The following BBS9 variants were observed in gnomAD, a reference collection of about 807,000 sequenced individuals.
BBS9 encodes protein PTHB1.
Under a neutral mutation model 117.7 loss-of-function variants are expected in BBS9, and 89 were observed. The observed-to-expected ratio is 0.76, with a 90% confidence interval of 0.64 to 0.90. The LOEUF (loss-of-function observed/expected upper bound fraction) is 0.90. Ranked by LOEUF, BBS9 falls within the 40% of genes least tolerant of loss-of-function variation. The pLI is 0.00. For synonymous variants in BBS9, 379 were observed against 370.9 expected, an observed-to-expected ratio of 1.02 and a Z score of -0.25; for missense variants, 982 against 1,042.2, an observed-to-expected ratio of 0.94 and a Z score of 0.80.
chr7:33,529,317 CCT>C (rs977280042), intron 20 of BBS9, among the ~76,000 whole-genome samples: 40 of 152,140 alleles, frequency 2.6e-4, no homozygotes, highest in Middle Eastern at 3.2e-3. Context: ...GGCCTCGGCC[CCT>C]GAGTCCGGTT....
chr7:33,166,487 G>A (rs1024682964), intron 4 of BBS9, among the ~76,000 whole-genome samples: 4 of 152,258 alleles, frequency 2.6e-5, no homozygotes, highest in Non-Finnish European at 5.9e-5. Context: ...GAGGCAGATG[G>A]CCTTGCTAAG....
At chr7:33,612,530 A>C (rs1864933553) in intron 21 of BBS9, among the ~76,000 whole-genome samples, 1 of 151,730 alleles carries the variant, frequency 6.6e-6, no homozygotes. Flanking sequence ...GCTGCCCTCC[A>C]ATGTCATCAC....
At chr7:33,160,636 C>T (rs546304280) in intron 4 of BBS9, among the ~76,000 whole-genome samples, 3 of 152,212 alleles carry the variant, frequency 2.0e-5, no homozygotes, top group South Asian at 2.1e-4. Flanking sequence ...GAGAAACTTT[C>T]CTGTTTAGCT....
rs563022493 is a variant in BBS9, at chr7:33,376,283, A to AT, written c.1790-7374dup. On this transcript the variant is annotated intron_variant, in intron 17 of 22. Coordinates refer to ENST00000242067, the MANE Select transcript of BBS9 (RefSeq NM_198428.3). ...CTACTTATAAGTGAGAATATGCAGT[A>AT]TTTTTTTTTGTTGTTGTTATTGTTC... 4.6e-4 allele frequency among the ~76,000 whole-genome samples: 70 copies of AT among 151,156 alleles called. 1 individual carries two copies. Among genetic ancestry groups the AT allele is most frequent in the South Asian group, 1.9e-3 (9 of 4,766 alleles).
intron 5 of BBS9, among the ~76,000 whole-genome samples, chr7:33,203,877 C>T (rs1472825637): frequency 6.6e-6 from 1 of 151,530 alleles, no homozygotes; most frequent in Non-Finnish European, 1.5e-5. Context: ...CGTGTGACAC[C>T]ACGCCCGTCT....
chr7:33,323,948 C>T (rs952533659), intron 9 of BBS9, among the ~76,000 whole-genome samples: 4 of 151,266 alleles, frequency 2.6e-5, no homozygotes, highest in African/African-American at 9.7e-5. Flanking sequence ...AGCAATTCTC[C>T]TGCGTCAGCC....
At chr7:33,437,157 T>C (rs770643572) in intron 19 of BBS9, among the ~76,000 whole-genome samples, 3 of 152,216 alleles carry the variant, frequency 2.0e-5, no homozygotes, top group Non-Finnish European at 4.4e-5. Flanking sequence ...ATTTAATCCT[T>C]GTCTAGAAGG....
At chr7:33,209,756 T>C (rs141328545) in intron 5 of BBS9, among the ~76,000 whole-genome samples, 165 of 152,290 alleles carry the variant, frequency 1.1e-3, no homozygotes, top group Middle Eastern at 3.4e-3. Context: ...TTTTCCTCTC[T>C]GATTTTATTT....
At chr7:33,528,361 TTCTC>T (rs1457248819) in intron 20 of BBS9, among the ~76,000 whole-genome samples, 2 of 152,286 alleles carry the variant, frequency 1.3e-5, no homozygotes, top group Admixed American at 6.5e-5. Context: ...TTTTAACCTT[TTCTC>T]TCTCTCTTAG....
rs141106346 is a variant in BBS9 at position 33,427,946 on chromosome 7, C to A, written c.2115+39802C>A. ...ATAACCAGAGAGGAAGTGATCACCC[C>A]CAGGCCAGGTAATTAGAGCTGTGAT... On this transcript the variant is annotated intron_variant, in intron 19 of 22. Transcript: ENST00000242067. 8.5e-3 allele frequency among the ~76,000 whole-genome samples: 1,295 copies of A among 152,086 alleles called. 11 individuals carry two copies. The highest frequency in any genetic ancestry group is 0.024 in the Middle Eastern group (7 of 292).
At chr7:33,256,204 A>G (rs1301426097) in intron 5 of BBS9, among the ~76,000 whole-genome samples, 62 of 152,096 alleles carry the variant, frequency 4.1e-4, no homozygotes, top group Admixed American at 4.1e-3. Flanking sequence ...AACAAAAACA[A>G]AGCTTAAAAC....
At chr7:33,334,953 G>A (rs1489720758) in intron 9 of BBS9, among the ~76,000 whole-genome samples, 2 of 152,132 alleles carry the variant, frequency 1.3e-5, no homozygotes, top group Non-Finnish European at 2.9e-5. Context: ...GAGATGATGT[G>A]TATTGGAATG....
chr7:33,311,593 G>A (rs1444492436), intron 9 of BBS9, among the ~76,000 whole-genome samples: 1 of 152,150 alleles, frequency 6.6e-6, no homozygotes, highest in Non-Finnish European at 1.5e-5. Flanking sequence ...GAGGCAGGCA[G>A]ATCACTTGAG....
chr7:33,563,948 G>A (rs1288820608), intron 21 of BBS9, among the ~76,000 whole-genome samples: 1 of 152,160 alleles, frequency 6.6e-6, no homozygotes, highest in East Asian at 1.9e-4. Flanking sequence ...GTATATTGCT[G>A]CCGATAAGAC....
At chr7:33,417,908 G>A (rs1832269506) in intron 19 of BBS9, among the ~76,000 whole-genome samples, 1 of 152,120 alleles carries the variant, frequency 6.6e-6, no homozygotes, top group African/African-American at 2.4e-5. Flanking sequence ...TTGAGTTTGG[G>A]CACTCTTCTT....
At chr7:33,249,340 G>C (rs1795873063) in intron 5 of BBS9, among the ~76,000 whole-genome samples, 1 of 151,986 alleles carries the variant, frequency 6.6e-6, no homozygotes, top group Non-Finnish European at 1.5e-5. Context: ...TTAGCAGTAT[G>C]ATTAACATTT....
chr7:33,616,231 G>T (rs923221105), intron 21 of BBS9, among the ~76,000 whole-genome samples: 7 of 150,760 alleles, frequency 4.6e-5, no homozygotes, highest in Non-Finnish European at 1.0e-4. Context: ...TATATATAAT[G>T]TATAAGTGAA....
intron 21 of BBS9, among the ~76,000 whole-genome samples, chr7:33,548,481 A>G (rs1305299184): frequency 4.8e-5 from 7 of 144,670 alleles, no homozygotes; most frequent in Non-Finnish European, 9.1e-5. Flanking sequence ...ATATCTCCCA[A>G]TGCTATCCCT....
chr7:33,478,345 C>G (rs1224994959), intron 19 of BBS9, among the ~76,000 whole-genome samples: 1 of 152,032 alleles, frequency 6.6e-6, no homozygotes, highest in Non-Finnish European at 1.5e-5. Flanking sequence ...AAAGGAAAAG[C>G]TAGGGGTTTT....
Sources: gnomAD v4.1 joint callset for allele counts (sites outside exome capture counted in the v4.1 genomes callset) on GRCh38, gnomAD v4.1.1 for gene constraint, MANE v1.5 for transcripts, NCBI Gene and HGNC (gene_info 2026-07-23, HGNC 2026-07-21) for gene names.